The following H2AC12 variants were observed in gnomAD, a reference collection of about 807,000 sequenced individuals.
H2AC12 encodes the protein histone H2A type 1-H.
H2AC12 carries 9 observed loss-of-function variants against 5.8 expected under a neutral mutation model. That is an observed-to-expected ratio of 1.56 (90% CI 0.94 to 2.71). The LOEUF (loss-of-function observed/expected upper bound fraction) is 2.71, where lower values mean the gene tolerates loss of function less well. H2AC12 is among the 30% of genes most tolerant of loss of function. H2AC12 has a pLI of 0.00. For missense variants in H2AC12, 232 were observed against 173.1 expected (o/e 1.34, Z -1.91); for synonymous variants, 158 against 78.1 (o/e 2.02, Z -5.39).
At position 27,147,239 on chromosome 6, in the gene H2AC12, G is replaced by T; in HGVS notation, c.111G>T (p.Lys37Asn). Residue 37 changes from lysine to asparagine, a missense_variant, in exon 1 of 1, where the codon AAG becomes AAT. Lys to Asn is a moderately conservative substitution (Grantham distance 94). Coordinates refer to ENST00000377459, the MANE Select transcript of H2AC12 (RefSeq NM_080596.3). ...PVGRVHRLLR[K>N]GNYAERVGAG... The stretch of plus-strand genomic sequence containing the variant: ...GCCGAGTGCACCGCCTGCTCCGCAA[G>T]GGTAATTATGCCGAGCGGGTTGGAG... 3.7e-6 allele frequency: 6 copies of T among 1,614,176 alleles called. No homozygotes were observed. Among genetic ancestry groups the T allele is most frequent in the Non-Finnish European group, 5.1e-6 (6 of 1,180,030 alleles).
In H2AC12 at chr6:27,147,547, G is replaced by A; in HGVS notation, c.*32G>A. ...AGGTTGTGAAAACTGGAAAACAAAG[G>A]CTCTTTTCAGAGCCATTCTACACTG... is the stretch of plus-strand genomic sequence containing the variant. On this transcript the variant is annotated 3_prime_UTR_variant, in exon 1 of 1. Coordinates refer to ENST00000377459, the MANE Select transcript of H2AC12 (RefSeq NM_080596.3). 2 of 1,609,974 alleles carry A rather than the reference G, an allele frequency of 1.2e-6. No homozygotes were observed. The highest frequency in any genetic ancestry group is 8.5e-7 in the Non-Finnish European group (1 of 1,177,586).
Position 27,147,550 on chromosome 6 carries a change from CT to C in H2AC12, c.*39del. 6.2e-7 allele frequency: 1 copy of C among 1,608,344 alleles called. No homozygotes were observed. Among genetic ancestry groups the C allele is most frequent in the Non-Finnish European group, 8.5e-7 (1 of 1,176,484 alleles). ...TTGTGAAAACTGGAAAACAAAGGCT[CT>C]TTTCAGAGCCATTCTACACTGTCTT... On this transcript the variant is annotated 3_prime_UTR_variant, in exon 1 of 1. Coordinates refer to ENST00000377459, the MANE Select transcript of H2AC12 (RefSeq NM_080596.3).
rs746248504 is a variant in H2AC12, at chr6:27,147,118, TTG to T, written c.-8_-7del. ...TTCCTCGTTGGCTACTTTCAGTAAG[TTG>T]TGACCAGTATGTCTGGACGTGGCAA... On this transcript the variant is annotated 5_prime_UTR_variant, in exon 1 of 1. Coordinates refer to ENST00000377459, the MANE Select transcript of H2AC12 (RefSeq NM_080596.3). The T allele has an allele frequency of 1.7e-5, 28 of 1,602,558 alleles. No homozygotes were observed. Among genetic ancestry groups the T allele is most frequent in the Non-Finnish European group, 2.3e-5 (27 of 1,174,400 alleles).
rs1329576637 is a variant in H2AC12 at position 27,147,108 on chromosome 6, T to A, written c.-21T>A. 2 of 1,579,474 alleles carry A rather than the reference T, an allele frequency of 1.3e-6. No homozygotes were observed. Among genetic ancestry groups the A allele is most frequent in the African/African-American group, 1.4e-5 (1 of 73,556 alleles). ...GGCGCTGCCTTTCCTCGTTGGCTACTTTCAGTAAGTTGTGACCAGTATGTC... is the reference window on the plus strand; with the variant it reads ...GGCGCTGCCTTTCCTCGTTGGCTACATTCAGTAAGTTGTGACCAGTATGTC... On this transcript the variant is annotated 5_prime_UTR_variant, in exon 1 of 1. Coordinates refer to ENST00000377459, the MANE Select transcript of H2AC12 (RefSeq NM_080596.3).
rs1186468115 is a variant in H2AC12 at position 27,147,382 on chromosome 6, A to G, written c.254A>G (p.Gln85Arg). Reference protein sequence around the residue: ...KKTRIIPRHLQLAIRNDEELN... With the variant: ...KKTRIIPRHLRLAIRNDEELN... Reference sequence around the variant, plus strand: ...ACCCGTATCATCCCGCGTCACCTCCAACTGGCCATCCGCAACGACGAGGAG... The same window carrying G: ...ACCCGTATCATCCCGCGTCACCTCCGACTGGCCATCCGCAACGACGAGGAG... Residue 85 changes from glutamine to arginine, a missense_variant, in exon 1 of 1, where the codon CAA (glutamine) becomes CGA (arginine). Transcript: ENST00000377459. 1 of 1,614,054 alleles carries G rather than the reference A, an allele frequency of 6.2e-7. No individual in the cohort carries two copies. The highest frequency in any genetic ancestry group is 8.5e-7 in the Non-Finnish European group (1 of 1,180,020).
Position 27,147,175 on chromosome 6 carries a change from AG to A in H2AC12, c.48del (p.Thr17ProfsTer43), listed in dbSNP as rs1760113474. ...GGCGGTAAAGCTCGCGCCAAGGCCA[AG>A]ACCCGCTCTTCTCGGGCTGGGCTTC... ...KQGGKARAKAKTRSSRAGLQF... is the reference protein window; with the variant it reads ...KQGGKARAKAXTRSSRAGLQF... On this transcript the variant is annotated frameshift_variant, in exon 1 of 1. Transcript: ENST00000377459. LOFTEE classifies it high-confidence loss of function. 1 of 1,613,850 alleles carries A rather than the reference AG, an allele frequency of 6.2e-7. No individual in the cohort carries two copies. Among genetic ancestry groups the A allele is most frequent in the Admixed American group, 1.7e-5 (1 of 60,000 alleles).
At position 27,147,332 on chromosome 6, in the gene H2AC12, C is replaced by T. The variant is rs144519312; in HGVS notation, c.204C>T (p.Gly68=). 38 of 1,614,060 alleles carry T rather than the reference C, an allele frequency of 2.4e-5. No individual in the cohort carries two copies. The highest frequency in any genetic ancestry group is 2.1e-4 in the African/African-American group (16 of 74,906). ...CCGCTGAGATCCTGGAGCTGGCTGG[C>T]AATGCGGCCCGCGACAACAAGAAGA... ...YLTAEILELA[G]NAARDNKKTR... is the part of the protein sequence containing the mutation. Residue 68 remains glycine, a synonymous_variant, in exon 1 of 1, where the codon GGC becomes GGT. Transcript: ENST00000377459.
In H2AC12 at chr6:27,147,239, G is replaced by C; in HGVS notation, c.111G>C (p.Lys37Asn). 1.9e-6 allele frequency: 3 copies of C among 1,614,176 alleles called. No homozygotes were observed. Among genetic ancestry groups the C allele is most frequent in the African/African-American group, 2.7e-5 (2 of 75,046 alleles). ...GCCGAGTGCACCGCCTGCTCCGCAA[G>C]GGTAATTATGCCGAGCGGGTTGGAG... ...PVGRVHRLLR[K>N]GNYAERVGAG... The change falls in exon 1 of 1, where the codon AAG becomes AAC. Residue 37 changes from lysine (K) to asparagine (N), a missense_variant. Transcript: ENST00000377459.
Position 27,147,392 on chromosome 6 carries a change from C to G in H2AC12, c.264C>G (p.Ile88Met), listed in dbSNP as rs773664811. 6.2e-7 allele frequency: 1 copy of G among 1,614,122 alleles called. No individual in the cohort carries two copies. The highest frequency in any genetic ancestry group is 8.5e-7 in the Non-Finnish European group (1 of 1,180,062). The change falls in exon 1 of 1, where the codon ATC becomes ATG. Residue 88 changes from isoleucine (I) to methionine (M), a missense_variant. By Grantham distance (10) the Ile-to-Met change is conservative. Transcript: ENST00000377459. ...TCCCGCGTCACCTCCAACTGGCCAT[C>G]CGCAACGACGAGGAGCTCAACAAGC... The part of the protein sequence containing the change: ...RIIPRHLQLA[I>M]RNDEELNKLL...
chr6:27,147,264 G>T lies in H2AC12; in HGVS notation c.136G>T (p.Ala46Ser). ...RKGNYAERVG[A>S]GAPVYLAAVL... ...GGGTAATTATGCCGAGCGGGTTGGAGCCGGCGCGCCAGTGTACCTGGCTGC... is the reference window on the plus strand; with the variant it reads ...GGGTAATTATGCCGAGCGGGTTGGATCCGGCGCGCCAGTGTACCTGGCTGC... The change falls in exon 1 of 1, where the codon GCC becomes TCC. Residue 46 changes from alanine to serine, a missense_variant. By Grantham distance (99) the Ala-to-Ser change is moderately conservative (BLOSUM62 1). Transcript: ENST00000377459. 6.2e-7 allele frequency: 1 copy of T among 1,614,160 alleles called. No homozygotes were observed. The highest frequency in any genetic ancestry group is 1.6e-4 in the Middle Eastern group (1 of 6,062).
rs574703856 is a variant in H2AC12, at chr6:27,147,227, C to T, written c.99C>T (p.Arg33=). 6.2e-6 allele frequency: 10 copies of T among 1,614,168 alleles called. No homozygotes were observed. Among genetic ancestry groups the T allele is most frequent in the East Asian group, 4.5e-5 (2 of 44,874 alleles). ...AGTTCCCCGTGGGCCGAGTGCACCG[C>T]CTGCTCCGCAAGGGTAATTATGCCG... ...GLQFPVGRVH[R]LLRKGNYAER... is the part of the protein sequence containing the mutation. Residue 33 remains arginine, a synonymous_variant, in exon 1 of 1, where the codon CGC becomes CGT. Transcript: ENST00000377459.
chr6:27,147,360 CGT>C lies in H2AC12; in HGVS notation c.233_234del (p.Arg78HisfsTer41). The stretch of plus-strand genomic sequence containing the variant: ...TGCGGCCCGCGACAACAAGAAGACC[CGT>C]ATCATCCCGCGTCACCTCCAACTGG... The part of the protein sequence containing the change: ...GNAARDNKKT[R>X]IIPRHLQLAI... On this transcript the variant is annotated frameshift_variant, in exon 1 of 1. Transcript: ENST00000377459. LOFTEE classifies it high-confidence loss of function. 1 of 1,614,184 alleles carries C rather than the reference CGT, an allele frequency of 6.2e-7. No individual in the cohort carries two copies.
At position 27,147,335 on chromosome 6, in the gene H2AC12, T is replaced by C. The variant is rs769888906; in HGVS notation, c.207T>C (p.Asn69=). The C allele has an allele frequency of 4.8e-5, 77 of 1,614,020 alleles. 2 individuals are homozygous for C. Among genetic ancestry groups the C allele is most frequent in the South Asian group, 4.4e-4 (40 of 91,090 alleles). The stretch of plus-strand genomic sequence containing the variant: ...CTGAGATCCTGGAGCTGGCTGGCAA[T>C]GCGGCCCGCGACAACAAGAAGACCC... ...LTAEILELAG[N]AARDNKKTRI... The change falls in exon 1 of 1, where the codon AAT becomes AAC. Residue 69 remains asparagine, a synonymous_variant. Transcript: ENST00000377459.
At position 27,147,390 on chromosome 6, in the gene H2AC12, A is replaced by G. The variant is rs767886879; in HGVS notation, c.262A>G (p.Ile88Val). 1.2e-6 allele frequency: 2 copies of G among 1,614,192 alleles called. No homozygotes were observed. The highest frequency in any genetic ancestry group is 1.1e-5 in the South Asian group (1 of 91,084). ...CATCCCGCGTCACCTCCAACTGGCC[A>G]TCCGCAACGACGAGGAGCTCAACAA... is the stretch of plus-strand genomic sequence containing the variant. Reference protein sequence around the residue: ...RIIPRHLQLAIRNDEELNKLL... With the variant: ...RIIPRHLQLAVRNDEELNKLL... The change falls in exon 1 of 1, where the codon ATC becomes GTC. Residue 88 changes from isoleucine (I) to valine (V), a missense_variant. Coordinates refer to ENST00000377459, the MANE Select transcript of H2AC12 (RefSeq NM_080596.3).
chr6:27,147,244 A>G lies in H2AC12; in HGVS notation c.116A>G (p.Asn39Ser), dbSNP rs988081913. Residue 39 changes from asparagine to serine, a missense_variant, in exon 1 of 1, where the codon AAT becomes AGT. Transcript: ENST00000377459. ...GRVHRLLRKG[N>S]YAERVGAGAP... is the part of the protein sequence containing the mutation. Reference sequence around the variant, plus strand: ...GTGCACCGCCTGCTCCGCAAGGGTAATTATGCCGAGCGGGTTGGAGCCGGC... The same window carrying G: ...GTGCACCGCCTGCTCCGCAAGGGTAGTTATGCCGAGCGGGTTGGAGCCGGC... The G allele has an allele frequency of 7.4e-6, 12 of 1,614,008 alleles. No individual in the cohort carries two copies. Among genetic ancestry groups the G allele is most frequent in the African/African-American group, 2.7e-5 (2 of 74,910 alleles).
Position 27,147,497 on chromosome 6 carries a change from C to T in H2AC12, c.369C>T (p.Ser123=). 1 of 1,614,120 alleles carries T rather than the reference C, an allele frequency of 6.2e-7. No individual in the cohort carries two copies. Among genetic ancestry groups the T allele is most frequent in the South Asian group, 1.1e-5 (1 of 91,084 alleles). The change falls in exon 1 of 1, where the codon AGC becomes AGT. Residue 123 remains serine, a synonymous_variant. Transcript: ENST00000377459. The part of the protein sequence containing the change: ...QAVLLPKKTE[S]HHKAK ...TGCTGCTGCCTAAGAAGACTGAGAG[C>T]CACCATAAGGCCAAATAAGGAGCGA...
Position 27,147,295 on chromosome 6 carries a change from T to C in H2AC12, c.167T>C (p.Leu56Pro). ...AGAPVYLAAV[L>P]EYLTAEILEL... ...GCGCCAGTGTACCTGGCTGCGGTGC[T>C]GGAGTACCTGACCGCTGAGATCCTG... The change falls in exon 1 of 1, where the codon CTG (leucine) becomes CCG (proline). Residue 56 changes from leucine to proline, a missense_variant. Coordinates refer to ENST00000377459, the MANE Select transcript of H2AC12 (RefSeq NM_080596.3). 1.9e-6 allele frequency: 3 copies of C among 1,614,200 alleles called. No individual in the cohort carries two copies. Among genetic ancestry groups the C allele is most frequent in the Non-Finnish European group, 2.5e-6 (3 of 1,180,034 alleles).
In H2AC12 at chr6:27,147,525, T is replaced by C. The variant is rs201377958; in HGVS notation, c.*10T>C. 4.3e-6 allele frequency: 7 copies of C among 1,612,896 alleles called. No homozygotes were observed. Among genetic ancestry groups the C allele is most frequent in the East Asian group, 2.2e-5 (1 of 44,864 alleles). On this transcript the variant is annotated 3_prime_UTR_variant, in exon 1 of 1. Transcript: ENST00000377459. ...CCATAAGGCCAAATAAGGAGCGAGG[T>C]TGTGAAAACTGGAAAACAAAGGCTC...
At position 27,147,446 on chromosome 6, in the gene H2AC12, T is replaced by C. The variant is rs1009638899; in HGVS notation, c.318T>C (p.Gly106=). 6.2e-7 allele frequency: 1 copy of C among 1,614,116 alleles called. No homozygotes were observed. Among genetic ancestry groups the C allele is most frequent in the Non-Finnish European group, 8.5e-7 (1 of 1,180,016 alleles). The part of the protein sequence containing the change: ...KLLGKVTIAQ[G]GVLPNIQAVL... ...TGGGCAAAGTCACCATCGCGCAGGG[T>C]GGTGTCTTGCCCAATATCCAGGCCG... is the stretch of plus-strand genomic sequence containing the variant. Residue 106 remains glycine, a synonymous_variant, in exon 1 of 1, where the codon GGT becomes GGC. Transcript: ENST00000377459.
Sources: allele counts gnomAD v4.1 joint callset, GRCh38; gene constraint gnomAD v4.1.1; transcripts MANE v1.5; gene names NCBI Gene and HGNC (gene_info 2026-07-23, HGNC 2026-07-21).